TMEM232: variants seen among roughly 807,000 people sequenced by gnomAD.
The protein encoded by TMEM232 is transmembrane protein 232.
In TMEM232, 80 loss-of-function variants were observed where a neutral mutation model predicts 78.8. The ratio of observed to expected loss-of-function variants is 1.01; its 90% CI spans 0.85 to 1.22. The LOEUF is 1.22. Ranked by LOEUF, TMEM232 falls within the 50% of genes most tolerant of loss-of-function variation. The pLI is 0.00. For missense variants in TMEM232, 881 were observed against 742.2 expected (o/e 1.19, Z -2.17); for synonymous variants, 297 against 254.3 (o/e 1.17, Z -1.60).
chr5:110,622,902 T>C (rs1299734615), intron 7 of TMEM232, among the ~76,000 whole-genome samples: 1 of 151,230 alleles, frequency 6.6e-6, no homozygotes, highest in Non-Finnish European at 1.5e-5. Flanking sequence ...AGATGACGAG[T>C]TAGTGGGTGC....
chr5:110,628,320 T>C (rs925996001), intron 5 of TMEM232, among the ~76,000 whole-genome samples: 1 of 152,142 alleles, frequency 6.6e-6, no homozygotes, highest in Non-Finnish European at 1.5e-5. Context: ...AAGGTATTTA[T>C]TTCTAAGCAT....
chr5:110,460,986 T>A (rs186350086), intron 12 of TMEM232, among the ~76,000 whole-genome samples: 1 of 152,122 alleles, frequency 6.6e-6, no homozygotes, highest in Non-Finnish European at 1.5e-5. Flanking sequence ...TGCTGGGGCT[T>A]CCCTATTCCC....
At chr5:110,596,949 T>G (rs1780243406) in intron 10 of TMEM232, among the ~76,000 whole-genome samples, 2 of 152,146 alleles carry the variant, frequency 1.3e-5, no homozygotes, top group African/African-American at 4.8e-5. Context: ...CTTTGAAAAC[T>G]GGCACAAGAT....
intron 2 of TMEM232, among the ~76,000 whole-genome samples, chr5:110,654,696 T>C (rs1029010831): frequency 1.3e-5 from 2 of 152,186 alleles, no homozygotes; most frequent in Non-Finnish European, 2.9e-5. Flanking sequence ...AAGTCATTGG[T>C]AGCTAGATGG....
chr5:110,532,419 G>C (rs546096763), intron 11 of TMEM232, among the ~76,000 whole-genome samples: 15 of 151,476 alleles, frequency 9.9e-5, no homozygotes, highest in Non-Finnish European at 2.1e-4. Context: ...TAATCAATAC[G>C]GAGGCTACCC....
chr5:110,694,596 A>T (rs1442678974), intron 1 of TMEM232, among the ~76,000 whole-genome samples: 2 of 152,172 alleles, frequency 1.3e-5, no homozygotes, highest in African/African-American at 2.4e-5. Context: ...CTCAAAATAA[A>T]GGGATGGAGG....
rs1245329177 is a variant in TMEM232 at position 110,406,767 on chromosome 5, T to C, written n.309-8913A>G. On this transcript the variant is annotated intron_variant and non_coding_transcript_variant, in intron 2 of 8. Coordinates refer to the TMEM232 transcript ENST00000507188. ...CAAAAGACAAAATATATTAAAAATATCATAGTTACAGCAACCTGTTAAGAG... is the reference window on the plus strand; with the variant it reads ...CAAAAGACAAAATATATTAAAAATACCATAGTTACAGCAACCTGTTAAGAG... Among the ~76,000 whole-genome samples the C allele has an allele frequency of 3.3e-5, 5 of 152,054 alleles. No individual in the cohort carries two copies. The South Asian group carries it at 6.2e-4, about 19-fold the overall frequency.
At chr5:110,725,386 T>C (rs112272724) in intron 1 of TMEM232, among the ~76,000 whole-genome samples, 2,236 of 152,306 alleles carry the variant, frequency 0.015, 54 homozygotes, top group African/African-American at 0.051. Flanking sequence ...AGGACACATT[T>C]TGGAAAATGT....
intron 10 of TMEM232, among the ~76,000 whole-genome samples, chr5:110,571,245 G>C (rs183687974): frequency 2.8e-4 from 42 of 152,128 alleles, no homozygotes; most frequent in African/African-American, 9.9e-4. Flanking sequence ...ATATAGCAAA[G>C]TGCCTACAAC....
In TMEM232 at chr5:110,568,430, C is replaced by T. The variant is rs1054471682; in HGVS notation, c.1455+17G>A. 3.3e-6 allele frequency: 5 copies of T among 1,512,746 alleles called. No individual in the cohort carries two copies. The highest frequency in any genetic ancestry group is 1.4e-5 in the African/African-American group (1 of 70,328). The allele number at this position is 1,512,746 out of a possible 1,614,324, so 93.7% of individuals were successfully genotyped here. ...AATGATAGATGTACATATTTATTGC[C>T]CAGTGTTTTACCTTACCTGAGCTAT... On this transcript the variant is annotated intron_variant, in intron 11 of 13. Coordinates refer to ENST00000455884, the MANE Select transcript of TMEM232 (RefSeq NM_001039763.4).
At chr5:110,437,249 C>T (rs1346876955) in intron 12 of TMEM232, among the ~76,000 whole-genome samples, 1 of 151,526 alleles carries the variant, frequency 6.6e-6, no homozygotes, top group Non-Finnish European at 1.5e-5. Context: ...TCAGATTGTT[C>T]ATTGCTGGCA....
At chr5:110,683,421 T>A (rs532022652) in intron 1 of TMEM232, among the ~76,000 whole-genome samples, 21 of 151,916 alleles carry the variant, frequency 1.4e-4, no homozygotes, top group Admixed American at 7.2e-4. Context: ...TTGTAATATA[T>A]ATATAGAGAG....
At chr5:110,482,751 C>G (rs942454568) in intron 12 of TMEM232, among the ~76,000 whole-genome samples, 2 of 151,622 alleles carry the variant, frequency 1.3e-5, no homozygotes, top group African/African-American at 4.9e-5. Flanking sequence ...CTAGCTAAAT[C>G]ATTAGAAAAG....
At chr5:110,415,849 G>A (rs1023651659), downstream of TMEM232, among the ~76,000 whole-genome samples, 3 of 152,010 alleles carry the variant, frequency 2.0e-5, no homozygotes, top group Non-Finnish European at 4.4e-5. Context: ...TACCTTATTC[G>A]TTAATTTATG....
chr5:110,481,972 G>A (rs1439715191), intron 12 of TMEM232, among the ~76,000 whole-genome samples: 1 of 151,916 alleles, frequency 6.6e-6, no homozygotes, highest in African/African-American at 2.4e-5. Context: ...AAAATAATAA[G>A]AACCAAGATT....
In TMEM232 at chr5:110,420,631, T is replaced by C; in HGVS notation, c.1923A>G (p.Leu641=). The change falls in exon 14 of 14, where the codon CTA becomes CTG. Residue 641 remains leucine, a synonymous_variant. Coordinates refer to ENST00000455884, the MANE Select transcript of TMEM232 (RefSeq NM_001039763.4). ...GTTCATAGGGCTTGGTTTGCTTATG[T>C]AGTTTCTCTTCTCTTTTCTTCATAA... ...QEVMKKREEK[L]HKQTKPYELP... 2.0e-6 allele frequency: 3 copies of C among 1,520,324 alleles called. No individual in the cohort carries two copies. In the African/African-American group the frequency reaches 4.2e-5, roughly 21 times the overall value. The allele number at this position is 1,520,324 out of a possible 1,614,324, so 94.2% of individuals were successfully genotyped here.
chr5:110,533,272 G>A (rs113428266), intron 11 of TMEM232, among the ~76,000 whole-genome samples: 9,862 of 152,010 alleles, frequency 0.065, 999 homozygotes, highest in African/African-American at 0.21. Context: ...TACCTATCTC[G>A]GCATAATTCT....
chr5:110,485,048 A>C (rs569540746), intron 12 of TMEM232, among the ~76,000 whole-genome samples: 1 of 152,174 alleles, frequency 6.6e-6, no homozygotes, highest in African/African-American at 2.4e-5. Context: ...AATGTAAACA[A>C]GTATAGCCAC....
In TMEM232 at chr5:110,620,577, A is replaced by ATCTCTCTATCTCTCTCTCTC. The variant is rs1783510315; in HGVS notation, c.769-2016_769-2015insGAGAGAGAGAGATAGAGAGA. Reference sequence around the variant, plus strand: ...TAGTTCCTTGTGGTATGTCTCTCATATCTCTCTCTCTCTCTCTCTCTCTCT... The same window carrying ATCTCTCTATCTCTCTCTCTC: ...TAGTTCCTTGTGGTATGTCTCTCATATCTCTCTATCTCTCTCTCTCTCTCTCTCTCTCTCTCTCTCTCTCT... On this transcript the variant is annotated intron_variant, in intron 7 of 13. Transcript: ENST00000455884. 6.7e-4 allele frequency among the ~76,000 whole-genome samples: 29 copies of ATCTCTCTATCTCTCTCTCTC among 43,138 alleles called. 3 individuals are homozygous for ATCTCTCTATCTCTCTCTCTC. Among genetic ancestry groups the ATCTCTCTATCTCTCTCTCTC allele is most frequent in the African/African-American group, 1.9e-3 (26 of 13,594 alleles). The allele number at this position is 43,138 out of a possible 152,430, so 28.3% of individuals were successfully genotyped here. A position where few individuals can be genotyped will look rare whatever the true frequency, so the allele number is the denominator to read the frequency against.
Sources: allele counts gnomAD v4.1 joint callset (sites outside exome capture counted in the v4.1 genomes callset), GRCh38; gene constraint gnomAD v4.1.1; transcripts MANE v1.5; gene names NCBI Gene and HGNC (gene_info 2026-07-23, HGNC 2026-07-21).